PRKN: variants seen among roughly 807,000 people sequenced by gnomAD.
The protein encoded by PRKN is parkin RBR E3 ubiquitin protein ligase.
Under a neutral mutation model 59.5 loss-of-function variants are expected in PRKN, and 56 were observed. That is an observed-to-expected ratio of 0.94 (90% CI 0.76 to 1.18). PRKN has a LOEUF of 1.18. PRKN is among the 50% of genes most tolerant of loss of function. The pLI is 0.00. For synonymous variants in PRKN, 250 were observed against 222.1 expected (o/e 1.13, Z -1.12); for missense variants, 657 against 596.4 (o/e 1.10, Z -1.06).
intron 6 of PRKN, among the ~76,000 whole-genome samples, chr6:161,864,988 G>A (rs979217975): frequency 6.6e-5 from 10 of 152,044 alleles, no homozygotes; most frequent in African/African-American, 2.2e-4. Flanking sequence ...GCCCAGATCC[G>A]TCAGAGGAAT....
chr6:162,150,563 T>A (rs1782227055), intron 4 of PRKN, among the ~76,000 whole-genome samples: 1 of 152,150 alleles, frequency 6.6e-6, no homozygotes, highest in Admixed American at 6.6e-5. Flanking sequence ...CAGTATGGAT[T>A]TTGCAACAGA....
rs985024500 is a variant in PRKN at position 161,401,096 on chromosome 6, T to C, written c.1084-14219A>G. On this transcript the variant is annotated intron_variant, in intron 9 of 11. Transcript: ENST00000366898. The surrounding 1 kb of genome is among the most constrained non-coding windows in gnomAD (Gnocchi z 4.4). ...TAGAAATCCACCATTCACGTAAGTT[T>C]TGGCCTGGTGTTATTGCAGTCTCTT... Among the ~76,000 whole-genome samples, 1 of 152,096 alleles carries C rather than the reference T, an allele frequency of 6.6e-6. No homozygotes were observed. Among genetic ancestry groups the C allele is most frequent in the Non-Finnish European group, 1.5e-5 (1 of 67,970 alleles).
intron 9 of PRKN, among the ~76,000 whole-genome samples, chr6:161,416,466 T>C (rs1787856193): frequency 6.6e-6 from 1 of 152,082 alleles, no homozygotes; most frequent in Non-Finnish European, 1.5e-5. Context: ...TGAATAAATG[T>C]GTGAATGAGG....
intron 7 of PRKN, among the ~76,000 whole-genome samples, chr6:161,602,076 A>G (rs976285329): frequency 2.0e-5 from 3 of 151,986 alleles, no homozygotes; most frequent in East Asian, 3.9e-4. Context: ...TAATAACCAT[A>G]TTTTTATCTA....
At chr6:161,954,537 T>G (rs60894483) in intron 6 of PRKN, among the ~76,000 whole-genome samples, 1 of 152,222 alleles carries the variant, frequency 6.6e-6, no homozygotes, top group East Asian at 1.9e-4. Context: ...TGAAATCATA[T>G]TGACACATAA....
intron 1 of PRKN, among the ~76,000 whole-genome samples, chr6:162,621,015 T>C (rs1217859067): frequency 6.6e-6 from 1 of 152,258 alleles, no homozygotes; most frequent in East Asian, 1.9e-4. Flanking sequence ...AGCCTGGTTT[T>C]CATTCCTTTG....
chr6:162,393,288 T>G (rs1473761788), intron 2 of PRKN, among the ~76,000 whole-genome samples: 1 of 150,938 alleles, frequency 6.6e-6, no homozygotes, highest in Non-Finnish European at 1.5e-5. Flanking sequence ...GTCCCCTGAG[T>G]GGCTGGGATT....
At chr6:162,125,340 C>T (rs893716432) in intron 4 of PRKN, among the ~76,000 whole-genome samples, 1 of 152,162 alleles carries the variant, frequency 6.6e-6, no homozygotes, top group Non-Finnish European at 1.5e-5. Flanking sequence ...CTCAAGGAGG[C>T]GCTGCTTTTG....
At chr6:161,881,601 G>A (rs886793210) in intron 6 of PRKN, among the ~76,000 whole-genome samples, 2 of 152,016 alleles carry the variant, frequency 1.3e-5, no homozygotes, top group Admixed American at 1.3e-4. Context: ...GGGTCTGATG[G>A]TCAGCAACTC....
intron 1 of PRKN, among the ~76,000 whole-genome samples, chr6:162,526,287 T>C: frequency 7.9e-6 from 1 of 127,124 alleles, no homozygotes; most frequent in African/African-American, 3.1e-5. Flanking sequence ...AAAAAACAAC[T>C]ACTACAAAAT....
chr6:162,462,369 T>C (rs772320410), intron 1 of PRKN, among the ~76,000 whole-genome samples: 2 of 152,186 alleles, frequency 1.3e-5, no homozygotes, highest in Admixed American at 6.5e-5. Flanking sequence ...GTTAATTAGA[T>C]TGAGAGTGAT....
intron 4 of PRKN, among the ~76,000 whole-genome samples, chr6:162,139,373 C>A (rs767686778): frequency 6.6e-6 from 1 of 152,100 alleles, no homozygotes; most frequent in African/African-American, 2.4e-5. Flanking sequence ...CCTTGAAGAG[C>A]GGACAACTGT....
intron 2 of PRKN, among the ~76,000 whole-genome samples, chr6:162,371,812 T>C: frequency 6.6e-6 from 1 of 152,202 alleles, no homozygotes; most frequent in East Asian, 1.9e-4. Flanking sequence ...ATTATGTTTC[T>C]TCACCTCCCC....
At chr6:162,706,159 C>T (rs2128237695) in intron 1 of PRKN, among the ~76,000 whole-genome samples, 1 of 147,488 alleles carries the variant, frequency 6.8e-6, no homozygotes, top group South Asian at 2.1e-4. Context: ...AAGACCACAG[C>T]AGGAAAGCTG....
intron 1 of PRKN, among the ~76,000 whole-genome samples, chr6:162,597,158 T>C (rs138285624): frequency 1.6e-3 from 240 of 152,318 alleles, no homozygotes; most frequent in Admixed American, 4.3e-3. Flanking sequence ...TTAACCTCTA[T>C]GGAAATGGAC....
Position 161,441,250 on chromosome 6 carries a change from T to G in PRKN, c.1084-54373A>C, listed in dbSNP as rs375332953. ...GTGCTCAGCCATCACTGCTCGAGCG[T>G]GAAGAGAAGCGCAGTCCATGGCAGT... On this transcript the variant is annotated intron_variant, in intron 9 of 11. Transcript: ENST00000366898. Among the ~76,000 whole-genome samples, 247 of 152,268 alleles carry G rather than the reference T, an allele frequency of 1.6e-3. 1 individual carries two copies. The highest frequency in any genetic ancestry group is 5.8e-3 in the African/African-American group (239 of 41,554).
At chr6:162,702,806 C>T (rs769182124) in intron 1 of PRKN, among the ~76,000 whole-genome samples, 1 of 152,072 alleles carries the variant, frequency 6.6e-6, no homozygotes, top group African/African-American at 2.4e-5. Flanking sequence ...GCATAATTAC[C>T]TCAGTGTTGA....
intron 1 of PRKN, among the ~76,000 whole-genome samples, chr6:162,663,933 A>AT (rs978480779): frequency 1.1e-4 from 17 of 151,376 alleles, no homozygotes; most frequent in Non-Finnish European, 2.4e-4. Context: ...TAAAAAAAAA[A>AT]GGTGGGGGGA....
At chr6:162,089,119 AAAGG>A (rs1368073070) in intron 4 of PRKN, among the ~76,000 whole-genome samples, 2 of 152,188 alleles carry the variant, frequency 1.3e-5, no homozygotes, top group Non-Finnish European at 2.9e-5. Flanking sequence ...CAACCCACCA[AAAGG>A]AAGGAAATAA....
Sources: gnomAD v4.1 joint callset for allele counts (sites outside exome capture counted in the v4.1 genomes callset) on GRCh38, gnomAD v4.1.1 for gene constraint, Gnocchi (gnomAD v3.1) non-coding constraint, MANE v1.5 for transcripts, NCBI Gene and HGNC (gene_info 2026-07-23, HGNC 2026-07-21) for gene names.